The following TTN variants were observed in gnomAD, a reference collection of about 807,000 sequenced individuals.
The protein encoded by TTN is titin.
In TTN, 1,525 loss-of-function variants were observed where a neutral mutation model predicts 3,223.0. That is an observed-to-expected ratio of 0.47 (90% CI 0.45 to 0.49). TTN has a LOEUF of 0.49. Ranked by LOEUF, TTN falls within the 20% of genes least tolerant of loss-of-function variation. TTN has a pLI of 0.00. For missense variants in TTN, 40,786 were observed against 43,424.0 expected (o/e 0.94, Z 5.40); for synonymous variants, 14,094 against 15,161.0 (o/e 0.93, Z 5.17).
Position 178,557,061 on chromosome 2 carries a change from T to C in TTN, c.88093A>G (p.Ser29365Gly), listed in dbSNP as rs1207057627. The change falls in exon 330 of 363, where the codon AGC (serine) becomes GGC (glycine). Residue 29365 changes from serine (S) to glycine (G), a missense_variant. By Grantham distance (56) the Ser-to-Gly change is moderately conservative. Coordinates refer to ENST00000589042, the MANE Select transcript of TTN (RefSeq NM_001267550.2). The stretch of plus-strand genomic sequence containing the variant: ...TCAACAATGTAGCCTGTAATCTTGC[T>C]ACCTCCATCGAAAGCTGGTTGTTGC... ...SWQQPAFDGG[S>G]KITGYIVERR... The C allele has an allele frequency of 6.2e-7, 1 of 1,613,770 alleles. No homozygotes were observed. The highest frequency in any genetic ancestry group is 8.5e-7 in the Non-Finnish European group (1 of 1,179,812).
chr2:178,772,908 A>G, intron 33 of TTN: 1 of 630,124 alleles, frequency 1.6e-6, no homozygotes, highest in Non-Finnish European at 2.7e-6. Context: ...TTAATGGAGA[A>G]GGTGACGTTT....
chr2:178,557,762 T>C lies in TTN; in HGVS notation c.87592A>G (p.Lys29198Glu). Residue 29198 changes from lysine (K) to glutamate (E), a missense_variant, in exon 328 of 363, where the codon AAA becomes GAA. Physicochemically the swap from Lys to Glu is moderately conservative, Grantham distance 56. Transcript: ENST00000589042. ...VSATVARTMMKVMKLTTGEEY... is the reference protein window; with the variant it reads ...VSATVARTMMEVMKLTTGEEY... Reference sequence around the variant, plus strand: ...TCTCCTGTGGTCAGTTTCATGACTTTCATCATGGTTCTTGCAACTGTTGCA... The same window carrying C: ...TCTCCTGTGGTCAGTTTCATGACTTCCATCATGGTTCTTGCAACTGTTGCA... 6.2e-7 allele frequency: 1 copy of C among 1,613,972 alleles called. No homozygotes were observed. Among genetic ancestry groups the C allele is most frequent in the African/African-American group, 1.3e-5 (1 of 75,072 alleles).
Position 178,542,674 on chromosome 2 carries a change from C to A in TTN, c.97180G>T (p.Val32394Phe). Reference sequence around the variant, plus strand: ...CACACATCCTTACCAAGAATGATAACTTTAATGGTTTCTGAAGTAGTTCCG... The same window carrying A: ...CACACATCCTTACCAAGAATGATAAATTTAATGGTTTCTGAAGTAGTTCCG... ...VTGTTSETIKVIILDKPGPPT... is the reference protein window; with the variant it reads ...VTGTTSETIKFIILDKPGPPT... Residue 32394 changes from valine to phenylalanine, a missense_variant, in exon 348 of 363, where the codon GTT becomes TTT. Val to Phe is a conservative substitution (Grantham distance 50, BLOSUM62 -1). Coordinates refer to ENST00000589042, the MANE Select transcript of TTN (RefSeq NM_001267550.2). 6.2e-7 allele frequency: 1 copy of A among 1,613,086 alleles called. No individual in the cohort carries two copies. The highest frequency in any genetic ancestry group is 8.5e-7 in the Non-Finnish European group (1 of 1,179,164).
intron 209 of TTN, 77 bp from the exon 210 acceptor site, chr2:178,650,348 T>G: frequency 7.8e-7 from 1 of 1,278,370 alleles, no homozygotes; most frequent in Non-Finnish European, 1.1e-6. Context: ...ACACGATAAA[T>G]AGTAATCTTG....
At position 178,600,973 on chromosome 2, in the gene TTN, A is replaced by T. The variant is rs879101964; in HGVS notation, c.55931T>A (p.Phe18644Tyr). The T allele has an allele frequency of 1.2e-6, 2 of 1,612,894 alleles. No individual in the cohort carries two copies. Among genetic ancestry groups the T allele is most frequent in the Non-Finnish European group, 1.7e-6 (2 of 1,179,322 alleles). Residue 18644 changes from phenylalanine to tyrosine, a missense_variant, in exon 288 of 363, where the codon TTT becomes TAT. Transcript: ENST00000589042. ...CNKRDVEELQ[F>Y]TVEDLVEGGE... ...ACCCTCTACTAGGTCTTCAACAGTA[A>T]ATTGCAGTTCTTCCACATCACGCTT...
chr2:178,623,285 T>C (rs1377031369), intron 242 of TTN, among the ~76,000 whole-genome samples: 1 of 151,840 alleles, frequency 6.6e-6, no homozygotes, highest in Non-Finnish European at 1.5e-5. Flanking sequence ...TTTAAAAAAA[T>C]CAGCTTTGAA....
chr2:178,610,921 A>G, intron 270 of TTN, 72 bp downstream of exon 270: 1 of 1,569,842 alleles, frequency 6.4e-7, no homozygotes, highest in South Asian at 1.2e-5. Flanking sequence ...TTATATTATT[A>G]ATAGCACTGC....
At position 178,774,927 on chromosome 2, in the gene TTN, CAA is replaced by C. The variant is rs768206749; in HGVS notation, c.6782_6783del (p.Ile2261SerfsTer2). On this transcript the variant is annotated frameshift_variant, in exon 29 of 363. Transcript: ENST00000589042. LOFTEE classifies it high-confidence loss of function. ...DENVKTTAKL[I>X]VEGAVVEFVK... ...ATCCTTCGTTGTTGAATACCTTCAACAATAAGTTTAGCAGTCGTTTTGACATT... is the reference window on the plus strand; with the variant it reads ...ATCCTTCGTTGTTGAATACCTTCAACTAAGTTTAGCAGTCGTTTTGACATT... The C allele has an allele frequency of 6.2e-7, 1 of 1,613,632 alleles. No individual in the cohort carries two copies. Among genetic ancestry groups the C allele is most frequent in the African/African-American group, 1.3e-5 (1 of 75,022 alleles).
chr2:178,531,591 GTCA>G lies in TTN; in HGVS notation c.105021_105023del (p.Asp35008del). Reference sequence around the variant, plus strand: ...TGCACACAGCACGGTAGGTTCCACTGTCATCAGTATGACAGTCCAGAATTTCCA... The same window carrying G: ...TGCACACAGCACGGTAGGTTCCACTGTCAGTATGACAGTCCAGAATTTCCA... On this transcript the variant is annotated inframe_deletion, in exon 358 of 363. Coordinates refer to ENST00000589042, the MANE Select transcript of TTN (RefSeq NM_001267550.2). 1 of 1,613,974 alleles carries G rather than the reference GTCA, an allele frequency of 6.2e-7. No homozygotes were observed.
Position 178,569,491 on chromosome 2 carries a change from C to T in TTN, c.76641G>A (p.Val25547=), listed in dbSNP as rs1366393800. 1 of 1,612,432 alleles carries T rather than the reference C, an allele frequency of 6.2e-7. No individual in the cohort carries two copies. The highest frequency in any genetic ancestry group is 1.3e-5 in the African/African-American group (1 of 74,868). Residue 25547 remains valine, a synonymous_variant, in exon 326 of 363, where the codon GTG becomes GTA. Coordinates refer to ENST00000589042, the MANE Select transcript of TTN (RefSeq NM_001267550.2). ...RPTPEVKWGK[V]DGEIRDAAII... is the part of the protein sequence containing the mutation. ...TAGCTGCATCTCGGATTTCACCATC[C>T]ACCTTTCCCCATTTAACTTCTGGTG... is the stretch of plus-strand genomic sequence containing the variant.
In TTN at chr2:178,551,730, T is replaced by C; in HGVS notation, c.91170A>G (p.Val30390=). Residue 30390 remains valine, a synonymous_variant, in exon 335 of 363, where the codon GTA becomes GTG. Coordinates refer to ENST00000589042, the MANE Select transcript of TTN (RefSeq NM_001267550.2). ...SGREYRATGL[V]EGLDYQFRVY... The stretch of plus-strand genomic sequence containing the variant: ...CACGGAATTGGTAATCCAGACCTTC[T>C]ACCAGTCCAGTGGCTCTATATTCTC... 1 of 1,613,844 alleles carries C rather than the reference T, an allele frequency of 6.2e-7. No homozygotes were observed. Among genetic ancestry groups the C allele is most frequent in the Non-Finnish European group, 8.5e-7 (1 of 1,179,774 alleles).
intron 270 of TTN, 84 bp from the exon 271 acceptor site, chr2:178,610,473 G>A: frequency 7.1e-7 from 1 of 1,411,428 alleles, no homozygotes; most frequent in South Asian, 1.2e-5. Flanking sequence ...GGGGCTATCT[G>A]TATTTTGGGT....
In TTN at chr2:178,561,769, T is replaced by C; in HGVS notation, c.84363A>G (p.Thr28121=). 6.2e-7 allele frequency: 1 copy of C among 1,613,682 alleles called. No homozygotes were observed. The highest frequency in any genetic ancestry group is 8.5e-7 in the Non-Finnish European group (1 of 1,179,744). The change falls in exon 326 of 363, where the codon ACA becomes ACG. Residue 28121 remains threonine (T), a synonymous_variant. Transcript: ENST00000589042. The part of the protein sequence containing the change: ...RTSIKIVRLT[T]GSEYQFRVCA... The stretch of plus-strand genomic sequence containing the variant: ...AAACACGGAACTGATACTCACTTCC[T>C]GTTGTCAGGCGAACTATTTTAATGG...
rs1393006247 is a variant in TTN at position 178,775,713 on chromosome 2, T to C, written c.6151A>G (p.Lys2051Glu). 2 of 1,614,156 alleles carry C rather than the reference T, an allele frequency of 1.2e-6. No homozygotes were observed. Among genetic ancestry groups the C allele is most frequent in the Non-Finnish European group, 1.7e-6 (2 of 1,180,004 alleles). ...ATTTTGCCTTCTTCGGCAAGAGCTT[T>C]CTTTTCCTCTTCAGTTAACTCTTTG... Reference protein sequence around the residue: ...WTKELTEEEKKALAEEGKITI... With the variant: ...WTKELTEEEKEALAEEGKITI... The change falls in exon 28 of 363, where the codon AAA becomes GAA. Residue 2051 changes from lysine to glutamate, a missense_variant. Coordinates refer to ENST00000589042, the MANE Select transcript of TTN (RefSeq NM_001267550.2).
intron 111 of TTN, among the ~76,000 whole-genome samples, chr2:178,700,013 C>G (rs982869007): frequency 6.6e-6 from 1 of 152,086 alleles, no homozygotes; most frequent in Non-Finnish European, 1.5e-5. Flanking sequence ...CCGCGCCAGG[C>G]CTCTTTTTTA....
rs775137392 is a variant in TTN at position 178,532,876 on chromosome 2, A to G, written c.103739T>C (p.Met34580Thr). ...WYKKIRDQYE[M>T]PGKLDRVVQK... ...TACAACTCTGTCAAGTTTCCCAGGC[A>G]TTTCATACTGATCACGTATCTTTTT... The change falls in exon 358 of 363, where the codon ATG becomes ACG. Residue 34580 changes from methionine to threonine, a missense_variant. Transcript: ENST00000589042. 1 of 1,613,980 alleles carries G rather than the reference A, an allele frequency of 6.2e-7. No homozygotes were observed. Among genetic ancestry groups the G allele is most frequent in the Non-Finnish European group, 8.5e-7 (1 of 1,179,868 alleles).
At chr2:178,587,829 A>AT in intron 305 of TTN, 29 bp from the exon 306 acceptor site, 1 of 1,568,092 alleles carries the variant, frequency 6.4e-7, no homozygotes, top group Non-Finnish European at 8.6e-7. Context: ...TCATTAATTG[A>AT]TTTTTCAGAA....
In TTN at chr2:178,706,956, T is replaced by G. The variant is rs6716782; in HGVS notation, c.29042-2A>C. The G allele has an allele frequency of 1.0e-4, 167 of 1,599,590 alleles. 2 individuals carry two copies. The African/African-American group carries it at 2.1e-3, about 20-fold the overall frequency. ...TTGCTGGGGCCACAGCTGGTTTGTC[T>G]GAAAAAACATTTACATGTTTTGTTA... is the stretch of plus-strand genomic sequence containing the variant. On this transcript the variant is annotated splice_acceptor_variant, in intron 100 of 362. Coordinates refer to ENST00000589042, the MANE Select transcript of TTN (RefSeq NM_001267550.2). LOFTEE classifies it high-confidence loss of function.
intron 344 of TTN, 59 bp from the exon 345 acceptor site, chr2:178,544,565 G>A: frequency 6.8e-7 from 1 of 1,463,088 alleles, no homozygotes; most frequent in Non-Finnish European, 9.2e-7. Context: ...GTTGAGATTT[G>A]TATTTTTTGT....
Sources: gnomAD v4.1 joint callset for allele counts (sites outside exome capture counted in the v4.1 genomes callset) on GRCh38, gnomAD v4.1.1 for gene constraint, MANE v1.5 for transcripts, NCBI Gene and HGNC (gene_info 2026-07-23, HGNC 2026-07-21) for gene names.